Variants in IL23R observed in about 807,000 individuals in gnomAD.
IL23R encodes interleukin 23 receptor, also known as interleukin-23 receptor.
Under a neutral mutation model 56.9 loss-of-function variants are expected in IL23R, and 34 were observed. The ratio of observed to expected loss-of-function variants is 0.60; its 90% CI spans 0.45 to 0.80. The LOEUF (loss-of-function observed/expected upper bound fraction) is 0.80, where lower values mean the gene tolerates loss of function less well. Ranked by LOEUF, IL23R falls within the 30% of genes least tolerant of loss-of-function variation. The pLI is 0.00. For synonymous variants in IL23R, 230 were observed against 249.2 expected (o/e 0.92, Z 0.73); for missense variants, 635 against 730.0 (o/e 0.87, Z 1.50).
downstream of IL23R, among the ~76,000 whole-genome samples, chr1:67,264,534 A>T (rs1653289647): frequency 6.8e-6 from 1 of 147,370 alleles, no homozygotes; most frequent in African/African-American, 2.5e-5. Context: ...AAACAATATA[A>T]CATAATTGGG....
chr1:67,172,993 C>A (rs1646961887), intron 3 of IL23R, among the ~76,000 whole-genome samples: 1 of 152,074 alleles, frequency 6.6e-6, no homozygotes, highest in South Asian at 2.1e-4. Flanking sequence ...AAGAAGTTCT[C>A]AGTAGAAAGG....
rs532216484 is a variant in IL23R, at chr1:67,168,408, T to C, written c.70+218T>C. Among the ~76,000 whole-genome samples, 5 of 152,318 alleles carry C rather than the reference T, an allele frequency of 3.3e-5. No individual in the cohort carries two copies. The East Asian group carries it at 5.8e-4, about 18-fold the overall frequency. On this transcript the variant is annotated intron_variant, in intron 2 of 10. Coordinates refer to ENST00000347310, the MANE Select transcript of IL23R (RefSeq NM_144701.3). ...CTCAAATTTCCCTTCTAGACAGCCC[T>C]CTTACTCACATGTGGATATTTCCAC...
chr1:67,254,445 A>T (rs1019302566), intron 9 of IL23R, among the ~76,000 whole-genome samples: 3 of 151,928 alleles, frequency 2.0e-5, no homozygotes, highest in Non-Finnish European at 4.4e-5. Flanking sequence ...TCACTGTATC[A>T]GTGTACTGTA....
At chr1:67,205,903 C>T (rs1157977950) in intron 5 of IL23R, among the ~76,000 whole-genome samples, 1 of 123,490 alleles carries the variant, frequency 8.1e-6, no homozygotes, top group African/African-American at 2.7e-5. Flanking sequence ...TTCTTTCTTT[C>T]TTTCTTTCTT....
chr1:67,264,106 T>C (rs1653282515), downstream of IL23R, among the ~76,000 whole-genome samples: 1 of 152,218 alleles, frequency 6.6e-6, no homozygotes, highest in Non-Finnish European at 1.5e-5. Context: ...AACCTTACTC[T>C]GCACTTTAGC....
chr1:67,225,955 A>G (rs1203084654), intron 7 of IL23R, among the ~76,000 whole-genome samples: 1 of 152,234 alleles, frequency 6.6e-6, no homozygotes, highest in Non-Finnish European at 1.5e-5. Flanking sequence ...AACATAGGGA[A>G]TGGACAGAAA....
intron 9 of IL23R, among the ~76,000 whole-genome samples, chr1:67,252,267 A>G (rs1652674396): frequency 2.0e-5 from 3 of 152,204 alleles, no homozygotes; most frequent in African/African-American, 2.4e-5. Context: ...AAAATGAAAC[A>G]AAGGTGTAGA....
downstream of IL23R, among the ~76,000 whole-genome samples, chr1:67,263,710 A>G (rs1043986876): frequency 2.0e-5 from 3 of 152,148 alleles, no homozygotes; most frequent in Non-Finnish European, 4.4e-5. Context: ...CTGGAGTTTG[A>G]GACCAGCCTG....
At chr1:67,168,041 T>C in intron 1 of IL23R, 51 bp from the exon 2 acceptor site, 2 of 1,020,188 alleles carry the variant, frequency 2.0e-6, no homozygotes, top group Non-Finnish European at 1.5e-6. Flanking sequence ...ATGCTTTTTA[T>C]TATTTTACTA....
chr1:67,156,551 G>A (rs979352391), intron 1 of IL23R, among the ~76,000 whole-genome samples: 4 of 152,128 alleles, frequency 2.6e-5, no homozygotes, highest in Non-Finnish European at 5.9e-5. Context: ...GGCCACAGTC[G>A]CTTTGCTGCA....
upstream of IL23R, among the ~76,000 whole-genome samples, chr1:67,162,248 G>A (rs1189559367): frequency 1.3e-5 from 2 of 151,728 alleles, no homozygotes; most frequent in African/African-American, 2.4e-5. Flanking sequence ...GACGGATCAC[G>A]AAGTCAGGAG....
chr1:67,248,628 A>G (rs1652401780), intron 9 of IL23R, among the ~76,000 whole-genome samples: 1 of 152,114 alleles, frequency 6.6e-6, no homozygotes, highest in African/African-American at 2.4e-5. Context: ...CATCAAACTC[A>G]TTCTCCATCC....
intron 7 of IL23R, among the ~76,000 whole-genome samples, chr1:67,230,008 C>T (rs577051462): frequency 3.3e-5 from 5 of 152,276 alleles, no homozygotes; most frequent in African/African-American, 1.2e-4. Context: ...GAACAGGATC[C>T]GAGTGAGAGC....
At chr1:67,201,747 CT>C (rs1648657650) in intron 5 of IL23R, among the ~76,000 whole-genome samples, 1 of 152,056 alleles carries the variant, frequency 6.6e-6, no homozygotes, top group Non-Finnish European at 1.5e-5. Flanking sequence ...ATGTAGACCT[CT>C]CTATGTTCAT....
intron 7 of IL23R, among the ~76,000 whole-genome samples, chr1:67,229,416 A>G (rs1650950660): frequency 2.0e-5 from 3 of 152,166 alleles, no homozygotes; most frequent in Admixed American, 6.5e-5. Flanking sequence ...ACCTGCCAGG[A>G]ACCTCCATGT....
At chr1:67,215,974 A>G (rs764986219) in intron 6 of IL23R, among the ~76,000 whole-genome samples, 4 of 151,990 alleles carry the variant, frequency 2.6e-5, no homozygotes, top group African/African-American at 4.8e-5. Flanking sequence ...CCTTTCACCT[A>G]TTCCCAAGGC....
chr1:67,222,571 A>G (rs1232994042), intron 7 of IL23R, among the ~76,000 whole-genome samples: 1 of 152,144 alleles, frequency 6.6e-6, no homozygotes, highest in Non-Finnish European at 1.5e-5. Context: ...AATGAACTCT[A>G]TAACTGCCTA....
chr1:67,196,142 CT>C (rs1267256849), intron 4 of IL23R: 1 of 152,310 alleles, frequency 6.6e-6, no homozygotes, highest in African/African-American at 2.4e-5. Context: ...AGGTTAGAGT[CT>C]GCCTCAACAG....
chr1:67,241,501 C>A (rs533602694), intron 9 of IL23R, among the ~76,000 whole-genome samples: 1 of 152,218 alleles, frequency 6.6e-6, no homozygotes, highest in South Asian at 2.1e-4. Flanking sequence ...AAAAAAAATC[C>A]CCCTTTTTGG....
Sources: allele counts gnomAD v4.1 joint callset (sites outside exome capture counted in the v4.1 genomes callset), GRCh38; gene constraint gnomAD v4.1.1; transcripts MANE v1.5; gene names NCBI Gene and HGNC (gene_info 2026-07-23, HGNC 2026-07-21).